Variants in ATP10B observed in about 807,000 individuals in gnomAD.
ATP10B encodes phospholipid-transporting ATPase VB.
A neutral mutation model predicts 141.2 loss-of-function variants in ATP10B; 122 were observed. That is an observed-to-expected ratio of 0.86 (90% CI 0.75 to 1.00). The LOEUF (loss-of-function observed/expected upper bound fraction) is 1.00. Among genes scored for constraint, ATP10B ranks in the 50% least tolerant of loss-of-function variants. The probability of loss-of-function intolerance (pLI) is 0.00; values close to 1 mark genes in which losing one functional copy is unlikely to be tolerated. For missense variants in ATP10B, 1,876 were observed against 1,825.3 expected (o/e 1.03, Z -0.51); for synonymous variants, 685 against 692.0 (o/e 0.99, Z 0.16).
chr5:160,733,834 G>A (rs192861584), intron 2 of ATP10B, among the ~76,000 whole-genome samples: 13 of 151,932 alleles, frequency 8.6e-5, no homozygotes, highest in East Asian at 5.8e-4. Flanking sequence ...GGCCAGGCAC[G>A]GTGGCTCATG....
the ATP10B span, among the ~76,000 whole-genome samples, chr5:160,863,950 A>G: frequency 6.6e-6 from 1 of 152,074 alleles, no homozygotes; most frequent in South Asian, 2.1e-4. Flanking sequence ...TAAATCAATA[A>G]TAAAACGTAT....
At chr5:160,683,291 C>G (rs1581349394) in intron 6 of ATP10B, among the ~76,000 whole-genome samples, 1 of 152,250 alleles carries the variant, frequency 6.6e-6, no homozygotes, top group African/African-American at 2.4e-5. Context: ...TTTTTCTAAA[C>G]GTGCAACTGT....
chr5:160,628,640 G>A (rs1309461874), intron 13 of ATP10B, among the ~76,000 whole-genome samples: 1 of 152,168 alleles, frequency 6.6e-6, no homozygotes, highest in African/African-American at 2.4e-5. Context: ...GTGGAAGTTT[G>A]GAGGAGCCTA....
intron 24 of ATP10B, among the ~76,000 whole-genome samples, chr5:160,579,574 G>T (rs941280268): frequency 6.6e-6 from 1 of 152,116 alleles, no homozygotes; most frequent in African/African-American, 2.4e-5. Context: ...CTGTAGCCTT[G>T]TAGCATAGTT....
chr5:160,735,680 A>G (rs1767065716), intron 2 of ATP10B, among the ~76,000 whole-genome samples: 1 of 152,134 alleles, frequency 6.6e-6, no homozygotes, highest in Admixed American at 6.5e-5. Flanking sequence ...TCATCCAATA[A>G]CTACTGAATA....
At chr5:160,807,574 A>T (rs1035192838) in intron 1 of ATP10B, among the ~76,000 whole-genome samples, 5 of 152,172 alleles carry the variant, frequency 3.3e-5, no homozygotes, top group African/African-American at 4.8e-5. Flanking sequence ...CAATGTATTA[A>T]CTCAAGGGTA....
At chr5:160,699,298 T>C (rs1207279185) in intron 3 of ATP10B, among the ~76,000 whole-genome samples, 1 of 152,262 alleles carries the variant, frequency 6.6e-6, no homozygotes, top group African/African-American at 2.4e-5. Context: ...TATAGATTCT[T>C]TTGGTATGTT....
At chr5:160,868,407 C>T in the ATP10B span, among the ~76,000 whole-genome samples, 1 of 152,018 alleles carries the variant, frequency 6.6e-6, no homozygotes, top group Non-Finnish European at 1.5e-5. Flanking sequence ...ATGCCACATA[C>T]ATTGAACATT....
chr5:160,832,532 A>T lies in ATP10B; in HGVS notation c.-576+19409T>A, dbSNP rs541433786. On this transcript the variant is annotated intron_variant, in intron 1 of 25. Coordinates refer to ENST00000327245, the MANE Select transcript of ATP10B (RefSeq NM_025153.3). ...CCACACTGAAACAAATGAATGAATAAGGGTGTGTGAATGTGTACACACTTG... is the reference window on the plus strand; with the variant it reads ...CCACACTGAAACAAATGAATGAATATGGGTGTGTGAATGTGTACACACTTG... 4.1e-4 allele frequency among the ~76,000 whole-genome samples: 62 copies of T among 152,250 alleles called. 1 individual carries two copies. The South Asian group carries it at 6.6e-3, about 16-fold the overall frequency.
In ATP10B at chr5:160,602,596, T is replaced by C. The variant is rs1254728715; in HGVS notation, c.3344A>G (p.Tyr1115Cys). 1 of 1,613,906 alleles carries C rather than the reference T, an allele frequency of 6.2e-7. No homozygotes were observed. Among genetic ancestry groups the C allele is most frequent in the Non-Finnish European group, 8.5e-7 (1 of 1,179,864 alleles). Reference protein sequence around the residue: ...CYSRLARMVVYYLYKNVCYVN... With the variant: ...CYSRLARMVVCYLYKNVCYVN... ...ACTTACCACGTTCTTGTAGAGGTAG[T>C]ACACCACCATCCTGGCCAGGCGCGA... is the stretch of plus-strand genomic sequence containing the variant. The change falls in exon 21 of 26, where the codon TAC becomes TGC. Residue 1115 changes from tyrosine to cysteine, a missense_variant. Coordinates refer to ENST00000327245, the MANE Select transcript of ATP10B (RefSeq NM_025153.3).
At chr5:160,893,410 C>T in the ATP10B span, among the ~76,000 whole-genome samples, 2 of 152,134 alleles carry the variant, frequency 1.3e-5, no homozygotes, top group Admixed American at 6.5e-5. Context: ...TTTCCCCTCC[C>T]AGTGTAAACA....
At chr5:160,742,718 A>T (rs1462856829) in intron 2 of ATP10B, among the ~76,000 whole-genome samples, 1 of 152,186 alleles carries the variant, frequency 6.6e-6, no homozygotes, top group Non-Finnish European at 1.5e-5. Context: ...GTGCACAAGG[A>T]AAGAAAAGAA....
chr5:160,583,641 C>T (rs1270219789), intron 24 of ATP10B, among the ~76,000 whole-genome samples: 1 of 152,204 alleles, frequency 6.6e-6, no homozygotes, highest in African/African-American at 2.4e-5. Context: ...CACCCCTACC[C>T]CGAGGTGCTC....
chr5:160,921,555 C>T, the ATP10B span, among the ~76,000 whole-genome samples: 454 of 152,264 alleles, frequency 3.0e-3, 5 homozygotes, highest in African/African-American at 0.01. Flanking sequence ...CAGAGCTTTC[C>T]GCAATGTCTG....
chr5:160,700,438 C>G (rs1405987779), intron 3 of ATP10B, among the ~76,000 whole-genome samples: 1 of 152,162 alleles, frequency 6.6e-6, no homozygotes, highest in East Asian at 1.9e-4. Context: ...ATGTCAAGTC[C>G]AGGGGGATGC....
At chr5:160,872,288 G>A in the ATP10B span, among the ~76,000 whole-genome samples, 1 of 152,250 alleles carries the variant, frequency 6.6e-6, no homozygotes, top group South Asian at 2.1e-4. Context: ...TTTTCTGTCA[G>A]ATGTATAGAT....
At chr5:160,792,882 A>G (rs1218658991) in intron 1 of ATP10B, among the ~76,000 whole-genome samples, 8 of 152,102 alleles carry the variant, frequency 5.3e-5, no homozygotes, top group African/African-American at 1.4e-4. Flanking sequence ...CCCTAAAATG[A>G]CATGACCTAA....
At chr5:160,587,714 G>T (rs1167688285) in intron 24 of ATP10B, among the ~76,000 whole-genome samples, 1 of 152,208 alleles carries the variant, frequency 6.6e-6, no homozygotes, top group Non-Finnish European at 1.5e-5. Flanking sequence ...GTACATTCAT[G>T]ATTTGGTGCT....
chr5:160,904,819 G>A, the ATP10B span, among the ~76,000 whole-genome samples: 1 of 152,306 alleles, frequency 6.6e-6, no homozygotes, highest in East Asian at 1.9e-4. Context: ...TCCCATAGAT[G>A]CCAGCATAAG....
Sources: allele counts gnomAD v4.1 joint callset (sites outside exome capture counted in the v4.1 genomes callset), GRCh38; gene constraint gnomAD v4.1.1; transcripts MANE v1.5; gene names NCBI Gene and HGNC (gene_info 2026-07-23, HGNC 2026-07-21).